The following GALNT13 variants were observed in gnomAD, a reference collection of about 807,000 sequenced individuals.
GALNT13 encodes the protein UDP-GalNAc:polypeptide N-acetylgalactosaminyltransferase 13.
A neutral mutation model predicts 64.2 loss-of-function variants in GALNT13; 28 were observed. The ratio of observed to expected loss-of-function variants is 0.44; its 90% CI spans 0.32 to 0.60. The LOEUF (loss-of-function observed/expected upper bound fraction) is 0.60, where lower values mean the gene tolerates loss of function less well. Among genes scored for constraint, GALNT13 ranks in the 20% least tolerant of loss-of-function variants. GALNT13 has a pLI of 0.05. For synonymous variants in GALNT13, 214 were observed against 224.6 expected (o/e 0.95, Z 0.42); for missense variants, 577 against 669.8 (o/e 0.86, Z 1.53).
intron 12 of GALNT13, among the ~76,000 whole-genome samples, chr2:154,441,400 G>C (rs1364428512): frequency 2.0e-5 from 3 of 152,068 alleles, no homozygotes; most frequent in Admixed American, 6.6e-5. Flanking sequence ...ATCTTTTGCT[G>C]GCAAGGACAA....
the GALNT13 span, among the ~76,000 whole-genome samples, chr2:153,688,991 G>GGGGTGTGTGT: frequency 7.7e-6 from 1 of 130,156 alleles, no homozygotes; most frequent in Non-Finnish European, 1.6e-5. Flanking sequence ...TAGAGGTAGG[G>GGGGTGTGTGT]GTGTGTGTGT....
chr2:153,214,604 T>C, the GALNT13 span, among the ~76,000 whole-genome samples: 1 of 152,170 alleles, frequency 6.6e-6, no homozygotes, highest in Non-Finnish European at 1.5e-5. Flanking sequence ...CACGCTGCAA[T>C]GTTCTCTTTT....
At chr2:154,225,672 A>G (rs1688579662) in intron 4 of GALNT13, among the ~76,000 whole-genome samples, 1 of 152,148 alleles carries the variant, frequency 6.6e-6, no homozygotes, top group African/African-American at 2.4e-5. Flanking sequence ...AAAGGCATAC[A>G]GTTTTATTTT....
chr2:153,201,053 A>G, the GALNT13 span, among the ~76,000 whole-genome samples: 1 of 152,084 alleles, frequency 6.6e-6, no homozygotes, highest in African/African-American at 2.4e-5. Flanking sequence ...GAACAGTTCT[A>G]TTTTCATCAG....
chr2:153,533,080 A>C, the GALNT13 span, among the ~76,000 whole-genome samples: 5 of 152,190 alleles, frequency 3.3e-5, no homozygotes, highest in Admixed American at 3.3e-4. Context: ...GATTCTGACA[A>C]GTCAGATATA....
intron 9 of GALNT13, among the ~76,000 whole-genome samples, chr2:154,391,856 C>G (rs1473680710): frequency 6.6e-6 from 1 of 151,846 alleles, no homozygotes; most frequent in Non-Finnish European, 1.5e-5. Context: ...TAATAAGTGC[C>G]ATGGAAAAAA....
chr2:153,635,441 C>CATATATATGTGTATATATATATATAT, the GALNT13 span, among the ~76,000 whole-genome samples: 1 of 129,852 alleles, frequency 7.7e-6, no homozygotes, highest in African/African-American at 2.9e-5. Context: ...TATATATATA[C>CATATATATGTGTATATATATATATAT]ACACATATAT....
At chr2:153,922,429 T>C (rs1180097466) in intron 2 of GALNT13, among the ~76,000 whole-genome samples, 2 of 152,240 alleles carry the variant, frequency 1.3e-5, no homozygotes, top group Non-Finnish European at 2.9e-5. Context: ...TCTTTTGATC[T>C]TGAAGCTTTA....
chr2:153,360,744 G>A, the GALNT13 span, among the ~76,000 whole-genome samples: 2 of 152,154 alleles, frequency 1.3e-5, no homozygotes, highest in African/African-American at 4.8e-5. Context: ...CCTAGGGGGA[G>A]GGGTGGCCAT....
the GALNT13 span, among the ~76,000 whole-genome samples, chr2:153,857,063 C>G: frequency 6.6e-6 from 1 of 152,010 alleles, no homozygotes. Context: ...ATACTGGTTA[C>G]CTTTGGGAAA....
chr2:153,204,810 G>C, the GALNT13 span, among the ~76,000 whole-genome samples: 1 of 152,038 alleles, frequency 6.6e-6, no homozygotes, highest in South Asian at 2.1e-4. Flanking sequence ...ATACATGCTT[G>C]TATATGGCCC....
chr2:153,876,304 T>G lies in GALNT13; in HGVS notation c.-177+4001T>G, dbSNP rs986643889. On this transcript the variant is annotated intron_variant, in intron 1 of 12. Coordinates refer to ENST00000392825, the MANE Select transcript of GALNT13 (RefSeq NM_052917.4). Reference sequence around the variant, plus strand: ...ATTTAAAGATCTGGCACTGTCTGCTTTGATAAACCATTTATTATTTTATCA... The same window carrying G: ...ATTTAAAGATCTGGCACTGTCTGCTGTGATAAACCATTTATTATTTTATCA... 2.6e-5 allele frequency among the ~76,000 whole-genome samples: 4 copies of G among 152,220 alleles called. No homozygotes were observed. The South Asian group carries it at 8.3e-4, about 32-fold the overall frequency.
chr2:153,393,684 C>T, the GALNT13 span, among the ~76,000 whole-genome samples: 1 of 151,926 alleles, frequency 6.6e-6, no homozygotes, highest in African/African-American at 2.4e-5. Flanking sequence ...ATTTAAGTCA[C>T]TAGATTTTGA....
At chr2:153,103,113 A>G in the GALNT13 span, among the ~76,000 whole-genome samples, 2 of 152,042 alleles carry the variant, frequency 1.3e-5, no homozygotes, top group Non-Finnish European at 2.9e-5. Flanking sequence ...CCTAAATCAG[A>G]TCATGTTAAT....
At chr2:154,049,382 CTA>C (rs1333721785) in intron 3 of GALNT13, among the ~76,000 whole-genome samples, 1 of 146,858 alleles carries the variant, frequency 6.8e-6, no homozygotes, top group Non-Finnish European at 1.5e-5. Flanking sequence ...ATATATATCA[CTA>C]TATAATGATA....
chr2:153,639,094 T>C, the GALNT13 span, among the ~76,000 whole-genome samples: 1 of 151,872 alleles, frequency 6.6e-6, no homozygotes, highest in Non-Finnish European at 1.5e-5. Flanking sequence ...GGTCAGGCAC[T>C]GCTGTGAAGA....
the GALNT13 span, among the ~76,000 whole-genome samples, chr2:153,441,597 A>G: frequency 6.6e-6 from 1 of 152,142 alleles, no homozygotes; most frequent in Admixed American, 6.5e-5. Flanking sequence ...ATATTTTTCC[A>G]TTTGTTTGTG....
the GALNT13 span, among the ~76,000 whole-genome samples, chr2:153,465,343 G>T: frequency 6.6e-6 from 1 of 151,996 alleles, no homozygotes. Context: ...GTTCTGTGCA[G>T]ATTCTGAAAT....
At chr2:153,748,625 A>AT in the GALNT13 span, among the ~76,000 whole-genome samples, 5 of 151,944 alleles carry the variant, frequency 3.3e-5, no homozygotes, top group East Asian at 1.9e-4. Context: ...GGATTATTAG[A>AT]TTTTTTTCTA....
Sources: allele counts gnomAD v4.1 joint callset (sites outside exome capture counted in the v4.1 genomes callset), GRCh38; gene constraint gnomAD v4.1.1; transcripts MANE v1.5; gene names NCBI Gene and HGNC (gene_info 2026-07-23, HGNC 2026-07-21).